LPA: variants seen among roughly 807,000 people sequenced by gnomAD.
LPA encodes the protein apolipoprotein(a).
LPA carries 199 observed loss-of-function variants against 197.9 expected under a neutral mutation model. The ratio of observed to expected loss-of-function variants is 1.01; its 90% CI spans 0.90 to 1.13. LPA has a LOEUF of 1.13. Ranked by LOEUF, LPA falls within the 50% of genes most tolerant of loss-of-function variation. LPA has a pLI of 0.00. For missense variants in LPA, 1,853 were observed against 1,785.8 expected, an observed-to-expected ratio of 1.04 and a Z score of -0.68; for synonymous variants, 715 against 639.5, an observed-to-expected ratio of 1.12 and a Z score of -1.78.
chr6:160,597,117 T>G (rs1779148154), intron 20 of LPA, among the ~76,000 whole-genome samples: 1 of 152,216 alleles, frequency 6.6e-6, no homozygotes, highest in Non-Finnish European at 1.5e-5. Context: ...CCTCAGTGAA[T>G]GCTCCATGCA....
chr6:160,661,508 T>C (rs1021009903), intron 1 of LPA, among the ~76,000 whole-genome samples: 6 of 152,130 alleles, frequency 3.9e-5, no homozygotes, highest in African/African-American at 1.4e-4. Context: ...CTCCTGAGAG[T>C]ACACAGACCA....
At chr6:160,603,374 A>G (rs1779283603) in intron 18 of LPA, among the ~76,000 whole-genome samples, 1 of 151,870 alleles carries the variant, frequency 6.6e-6, no homozygotes, top group African/African-American at 2.4e-5. Flanking sequence ...GTTAGTTTTT[A>G]CTTCTGAAAC....
chr6:160,581,208 A>T (rs1280586610), intron 26 of LPA, among the ~76,000 whole-genome samples: 1 of 152,158 alleles, frequency 6.6e-6, no homozygotes, highest in Non-Finnish European at 1.5e-5. Context: ...TGCTACCTGT[A>T]TTGAAAATAA....
intron 26 of LPA, among the ~76,000 whole-genome samples, chr6:160,580,148 G>A (rs530956170): frequency 2.6e-5 from 4 of 152,254 alleles, no homozygotes; most frequent in South Asian, 2.1e-4. Flanking sequence ...ACACTTTGAC[G>A]TCTGGCTTCT....
In LPA at chr6:160,581,910, G is replaced by T. The variant is rs550815064; in HGVS notation, c.4289+3136C>A. On this transcript the variant is annotated intron_variant, in intron 26 of 38. Transcript: ENST00000316300. ...GTAGTATACATGGTATAGTTCTTTT[G>T]CATATTGTGTTAAATTTATCAATAA... Among the ~76,000 whole-genome samples the T allele has an allele frequency of 3.3e-5, 5 of 152,110 alleles. No homozygotes were observed. The East Asian group carries it at 7.7e-4, about 24-fold the overall frequency.
Position 160,542,587 on chromosome 6 carries a change from G to A in LPA, c.5519+101C>T, listed in dbSNP as rs1777997845. On this transcript the variant is annotated intron_variant, in intron 34 of 38. Coordinates refer to ENST00000316300, the MANE Select transcript of LPA (RefSeq NM_005577.4). Reference sequence around the variant, plus strand: ...TCCTCCTTCAGAAAACAGAGAGGCAGGTATTGATGCATCAGCTGTGTGGGT... The same window carrying A: ...TCCTCCTTCAGAAAACAGAGAGGCAAGTATTGATGCATCAGCTGTGTGGGT... 3 of 1,541,414 alleles carry A rather than the reference G, an allele frequency of 1.9e-6. No homozygotes were observed. The African/African-American group carries it at 4.1e-5, about 21-fold the overall frequency.
At position 160,548,619 on chromosome 6, in the gene LPA, T is replaced by A; in HGVS notation, c.5014A>T (p.Thr1672Ser). 6.2e-7 allele frequency: 1 copy of A among 1,614,144 alleles called. No homozygotes were observed. The highest frequency in any genetic ancestry group is 8.5e-7 in the Non-Finnish European group (1 of 1,180,012). ...TCCATGGTAAAACACCAAGGGCCTGTATCGGCATCTGGATTCCTGCAGTAG... is the reference window on the plus strand; with the variant it reads ...TCCATGGTAAAACACCAAGGGCCTGAATCGGCATCTGGATTCCTGCAGTAG... ...MNYCRNPDAD[T>S]GPWCFTMDPS... Residue 1672 changes from threonine (T) to serine (S), a missense_variant, in exon 31 of 39, where the codon ACA becomes TCA. Physicochemically the swap from Thr to Ser is moderately conservative, Grantham distance 58 (BLOSUM62 1). Transcript: ENST00000316300.
intron 8 of LPA, among the ~76,000 whole-genome samples, chr6:160,631,807 T>C (rs1331992435): frequency 6.6e-6 from 1 of 151,920 alleles, no homozygotes; most frequent in African/African-American, 2.4e-5. Context: ...TATTTGTTTC[T>C]ATTCCAAACT....
At chr6:160,563,691 GA>G (rs1296767371) in intron 28 of LPA, among the ~76,000 whole-genome samples, 2 of 152,140 alleles carry the variant, frequency 1.3e-5, no homozygotes, top group Non-Finnish European at 2.9e-5. Context: ...TTTTTGTGTG[GA>G]AGTCTAAGTC....
At chr6:160,602,967 C>T (rs1264810503) in intron 18 of LPA, among the ~76,000 whole-genome samples, 9 of 147,716 alleles carry the variant, frequency 6.1e-5, no homozygotes, top group Admixed American at 2.7e-4. Flanking sequence ...GACTGTTGAA[C>T]GGTGATGTAC....
rs1440724759 is a variant in LPA, at chr6:160,654,053, A to AT, written c.50-3557dup. On this transcript the variant is annotated intron_variant, in intron 1 of 38. Coordinates refer to ENST00000316300, the MANE Select transcript of LPA (RefSeq NM_005577.4). ...ATATATATTATATATAATATATAAT[A>AT]TATTATATATATTATATATAATATA... Among the ~76,000 whole-genome samples, 5 of 10,418 alleles carry AT rather than the reference A, an allele frequency of 4.8e-4. 1 individual carries two copies. The highest frequency in any genetic ancestry group is 8.5e-4 in the Non-Finnish European group (5 of 5,872). The allele number at this position is 10,418 out of a possible 152,430, so 6.8% of individuals were successfully genotyped here. A position where few individuals can be genotyped will look rare whatever the true frequency, so the allele number is the denominator to read the frequency against.
At chr6:160,564,771 C>T (rs1468872817) in intron 28 of LPA, among the ~76,000 whole-genome samples, 2 of 152,160 alleles carry the variant, frequency 1.3e-5, no homozygotes, top group East Asian at 3.8e-4. Context: ...GACAGATGTA[C>T]CCGGAAAATC....
intron 16 of LPA, among the ~76,000 whole-genome samples, chr6:160,609,702 T>C (rs1467898434): frequency 6.6e-6 from 1 of 152,104 alleles, no homozygotes; most frequent in Non-Finnish European, 1.5e-5. Context: ...TCTTATATTT[T>C]CCTGCATGTC....
chr6:160,586,772 G>A (rs1562332710), intron 24 of LPA, 142 bp from the exon 25 acceptor site: 2 of 1,115,782 alleles, frequency 1.8e-6, no homozygotes, highest in East Asian at 2.5e-5. Context: ...CTCACAAATG[G>A]TCCTCAACTT....
At chr6:160,539,661 T>C (rs1777949172) in intron 36 of LPA, among the ~76,000 whole-genome samples, 1 of 152,144 alleles carries the variant, frequency 6.6e-6, no homozygotes, top group South Asian at 2.1e-4. Context: ...TGGCTCGATA[T>C]GGTGGTTTTT....
At chr6:160,657,001 G>A (rs1780143993) in intron 1 of LPA, among the ~76,000 whole-genome samples, 1 of 152,136 alleles carries the variant, frequency 6.6e-6, no homozygotes, top group Non-Finnish European at 1.5e-5. Context: ...TGTCTATTAT[G>A]GTAGTTATGC....
chr6:160,593,129 G>T (rs77182492), intron 22 of LPA, among the ~76,000 whole-genome samples: 1 of 152,048 alleles, frequency 6.6e-6, no homozygotes, highest in East Asian at 1.9e-4. Flanking sequence ...GATGCCTGAG[G>T]CATCACAAAC....
At chr6:160,611,483 A>C in intron 16 of LPA, 79 bp downstream of exon 16, 1 of 1,581,266 alleles carries the variant, frequency 6.3e-7, no homozygotes, top group Non-Finnish European at 8.6e-7. Flanking sequence ...AGTTCGGAGA[A>C]CTCAGCTTGA....
intron 21 of LPA, 34 bp downstream of exon 21, chr6:160,595,320 C>T (rs1167482218): frequency 6.2e-7 from 1 of 1,609,122 alleles, no homozygotes; most frequent in Admixed American, 1.7e-5. Context: ...TCCCAACGTC[C>T]TAGGGTGTGG....
Sources: allele counts gnomAD v4.1 joint callset (sites outside exome capture counted in the v4.1 genomes callset), GRCh38; gene constraint gnomAD v4.1.1; transcripts MANE v1.5; gene names NCBI Gene and HGNC (gene_info 2026-07-23, HGNC 2026-07-21).